PCDH15: variants seen among roughly 807,000 people sequenced by gnomAD.
PCDH15 encodes protocadherin related 15.
Under a neutral mutation model 178.5 loss-of-function variants are expected in PCDH15, and 129 were observed. That is an observed-to-expected ratio of 0.72 (90% CI 0.63 to 0.84). The LOEUF is 0.84. PCDH15 is among the 40% of genes least tolerant of loss of function. The pLI is 0.00. For synonymous variants in PCDH15, 800 were observed against 732.0 expected, an observed-to-expected ratio of 1.09 and a Z score of -1.50; for missense variants, 2,230 against 2,099.9, an observed-to-expected ratio of 1.06 and a Z score of -1.21.
intron 1 of PCDH15, among the ~76,000 whole-genome samples, chr10:55,211,534 T>C (rs1426007508): frequency 2.6e-5 from 4 of 152,236 alleles, no homozygotes; most frequent in Non-Finnish European, 4.4e-5. Context: ...GGCTAACAGT[T>C]CAATACTGAT....
At chr10:54,237,077 A>G (rs1401263063) in intron 8 of PCDH15, 146 bp from the exon 9 acceptor site, 2 of 752,740 alleles carry the variant, frequency 2.7e-6, no homozygotes, top group Non-Finnish European at 4.7e-6. Flanking sequence ...ACCTTTTACT[A>G]GTTAATTTTG....
chr10:55,411,273 A>C (rs1258011593), intron 2 of PCDH15, among the ~76,000 whole-genome samples: 1 of 152,104 alleles, frequency 6.6e-6, no homozygotes, highest in Non-Finnish European at 1.5e-5. Flanking sequence ...AAATCAAAGA[A>C]AATGACATTA....
chr10:54,275,121 G>A (rs114896731), intron 8 of PCDH15, among the ~76,000 whole-genome samples: 1,571 of 151,982 alleles, frequency 0.01, 28 homozygotes, highest in African/African-American at 0.035. Context: ...GTCAAAAAGA[G>A]ACATCAGCAA....
intron 21 of PCDH15, among the ~76,000 whole-genome samples, chr10:53,992,991 T>C (rs1293179781): frequency 6.6e-6 from 1 of 152,240 alleles, no homozygotes; most frequent in African/African-American, 2.4e-5. Flanking sequence ...CAAAAAGTTA[T>C]GGTGTTGTCA....
chr10:54,076,346 G>A (rs189888359), intron 17 of PCDH15, among the ~76,000 whole-genome samples: 54 of 152,180 alleles, frequency 3.5e-4, no homozygotes, highest in African/African-American at 1.3e-3. Flanking sequence ...ATTTGTGTAT[G>A]TGTGTGCAAA....
Position 54,409,962 on chromosome 10 carries a change from ATTTT to A in PCDH15, c.158-31024_158-31021del, listed in dbSNP as rs762137915. ...CCAAGCCTCCAGAACCATAAGAAATATTTTTTTTCTTTATTAATTACCCAGTCCA... is the reference window on the plus strand; with the variant it reads ...CCAAGCCTCCAGAACCATAAGAAATATTTTCTTTATTAATTACCCAGTCCA... On this transcript the variant is annotated intron_variant, in intron 3 of 37. Coordinates refer to ENST00000644397, the MANE Select transcript of PCDH15 (RefSeq NM_001384140.1). Among the ~76,000 whole-genome samples, 55 of 151,846 alleles carry A rather than the reference ATTTT, an allele frequency of 3.6e-4. 1 individual carries two copies. The highest frequency in any genetic ancestry group is 2.0e-4 in the Admixed American group (3 of 15,212).
intron 21 of PCDH15, among the ~76,000 whole-genome samples, chr10:53,993,129 G>T (rs2091634050): frequency 6.6e-6 from 1 of 152,106 alleles, no homozygotes; most frequent in African/African-American, 2.4e-5. Flanking sequence ...ATATATGCAG[G>T]GGCAGAAGCC....
chr10:55,412,146 C>T (rs193222678), intron 2 of PCDH15, among the ~76,000 whole-genome samples: 4 of 151,964 alleles, frequency 2.6e-5, no homozygotes, highest in African/African-American at 9.7e-5. Context: ...TTATGAAATT[C>T]TTGGACTGAG....
chr10:54,046,843 A>T lies in PCDH15; in HGVS notation c.2220+19914T>A, dbSNP rs1430100289. Among the ~76,000 whole-genome samples, 4 of 151,794 alleles carry T rather than the reference A, an allele frequency of 2.6e-5. No homozygotes were observed. The East Asian group carries it at 7.7e-4, about 29-fold the overall frequency. On this transcript the variant is annotated intron_variant, in intron 18 of 37. Transcript: ENST00000644397. ...AGTTTAAAGGACAAGAGTTGGTCTT[A>T]ATAAAAATCTCCGGATATAGCTGGA...
At chr10:55,379,159 CA>C (rs1837472641) in intron 2 of PCDH15, among the ~76,000 whole-genome samples, 2 of 151,052 alleles carry the variant, frequency 1.3e-5, no homozygotes, top group Admixed American at 6.6e-5. Flanking sequence ...TTTGGGAAAA[CA>C]AATCTTTGTT....
At chr10:54,030,999 G>T (rs2093276610) in intron 18 of PCDH15, among the ~76,000 whole-genome samples, 1 of 151,850 alleles carries the variant, frequency 6.6e-6, no homozygotes. Context: ...GGTGCAAGAA[G>T]AAAAAAAGAC....
intron 2 of PCDH15, among the ~76,000 whole-genome samples, chr10:54,531,999 C>T (rs1049050895): frequency 1.3e-5 from 2 of 152,050 alleles, no homozygotes; most frequent in Non-Finnish European, 2.9e-5. Context: ...ATGTACCGAT[C>T]GATAAGTCTT....
chr10:54,272,942 T>C (rs549009514), intron 8 of PCDH15, among the ~76,000 whole-genome samples: 2 of 152,306 alleles, frequency 1.3e-5, no homozygotes, highest in African/African-American at 4.8e-5. Flanking sequence ...TAAGGGATGA[T>C]ATCTTTCTAG....
chr10:54,731,075 G>T (rs1943264573), intron 1 of PCDH15, among the ~76,000 whole-genome samples: 1 of 151,220 alleles, frequency 6.6e-6, no homozygotes. Flanking sequence ...AAAAATAGAT[G>T]AAATTAAAAA....
At chr10:54,256,439 G>A (rs1165439241) in intron 8 of PCDH15, among the ~76,000 whole-genome samples, 1 of 152,170 alleles carries the variant, frequency 6.6e-6, no homozygotes, top group Non-Finnish European at 1.5e-5. Flanking sequence ...ATTGGAAGTA[G>A]ACTAACATTT....
intron 20 of PCDH15, among the ~76,000 whole-genome samples, chr10:54,014,919 C>T (rs569974106): frequency 1.4e-4 from 21 of 152,138 alleles, no homozygotes; most frequent in Admixed American, 3.3e-4. Context: ...AGCAATAAAG[C>T]AATAGAAAGA....
chr10:55,025,165 G>C (rs761316895), intron 2 of PCDH15, among the ~76,000 whole-genome samples: 2 of 152,070 alleles, frequency 1.3e-5, no homozygotes, highest in Non-Finnish European at 2.9e-5. Context: ...ATGTGTGTGT[G>C]ACTGTATATG....
At chr10:53,860,948 G>A (rs998890712) in intron 27 of PCDH15, among the ~76,000 whole-genome samples, 2 of 151,852 alleles carry the variant, frequency 1.3e-5, no homozygotes, top group Non-Finnish European at 2.9e-5. Context: ...TCGCACTACC[G>A]GGAGTAGTTG....
chr10:54,194,149 G>A (rs1010252939), intron 11 of PCDH15, among the ~76,000 whole-genome samples: 18 of 151,562 alleles, frequency 1.2e-4, no homozygotes, highest in Middle Eastern at 3.2e-3. Context: ...GGAAGAGGTG[G>A]AGTGCCAACA....
Sources: gnomAD v4.1 joint callset for allele counts (sites outside exome capture counted in the v4.1 genomes callset) on GRCh38, gnomAD v4.1.1 for gene constraint, MANE v1.5 for transcripts, NCBI Gene and HGNC (gene_info 2026-07-23, HGNC 2026-07-21) for gene names.